Variants in PIWIL4 observed in about 807,000 individuals in gnomAD.
The protein encoded by PIWIL4 is piwi like RNA-mediated gene silencing 4.
Under a neutral mutation model 100.9 loss-of-function variants are expected in PIWIL4, and 50 were observed. The ratio of observed to expected loss-of-function variants is 0.50; its 90% CI spans 0.39 to 0.63. PIWIL4 has a LOEUF of 0.63. Ranked by LOEUF, PIWIL4 falls within the 20% of genes least tolerant of loss-of-function variation. PIWIL4 has a pLI of 0.00. For synonymous variants in PIWIL4, 342 were observed against 367.5 expected (o/e 0.93, Z 0.79); for missense variants, 887 against 1,043.3 (o/e 0.85, Z 2.06).
intron 4 of PIWIL4, among the ~76,000 whole-genome samples, chr11:94,582,216 A>C (rs924854857): frequency 6.6e-6 from 1 of 152,042 alleles, no homozygotes. Context: ...ATCCCAAAGG[A>C]TTAAGACATC....
Position 94,577,508 on chromosome 11 carries a change from T to C in PIWIL4, c.513+16T>C, listed in dbSNP as rs576942566. On this transcript the variant is annotated intron_variant, in intron 4 of 19. Coordinates refer to ENST00000299001, the MANE Select transcript of PIWIL4 (RefSeq NM_152431.3). ...AGAAGAAAAGGTATAGTATGATTAG[T>C]TTTTTTACTGTATATGTGGGTGTGT... 1.3e-6 allele frequency: 2 copies of C among 1,591,176 alleles called. No homozygotes were observed. Among genetic ancestry groups the C allele is most frequent in the South Asian group, 2.2e-5 (2 of 89,606 alleles).
rs190176007 is a variant in PIWIL4, at chr11:94,580,075, A to G, written c.513+2583A>G. On this transcript the variant is annotated intron_variant, in intron 4 of 19. Transcript: ENST00000299001. ...AATGAGCATGTAGTATGTGTCAAAC[A>G]CCTTTCTGTTGCTGGGAATGGAGCC... Among the ~76,000 whole-genome samples, 7 of 152,336 alleles carry G rather than the reference A, an allele frequency of 4.6e-5. No homozygotes were observed. In the East Asian group the frequency reaches 1.3e-3, roughly 29 times the overall value.
At chr11:94,620,844 CTTAA>C (rs1948897531) in intron 19 of PIWIL4, 28 bp from the exon 20 acceptor site, 1 of 1,509,332 alleles carries the variant, frequency 6.6e-7, no homozygotes, top group Non-Finnish European at 9.2e-7. Flanking sequence ...AAGGTAATCT[CTTAA>C]TTATTATCAA....
chr11:94,570,389 A>G (rs1000111310), intron 2 of PIWIL4, among the ~76,000 whole-genome samples: 1 of 151,806 alleles, frequency 6.6e-6, no homozygotes, highest in Middle Eastern at 3.4e-3. Flanking sequence ...TGTTCACATG[A>G]TCTTTCCTTT....
intron 17 of PIWIL4, among the ~76,000 whole-genome samples, chr11:94,618,310 A>G (rs1047543783): frequency 2.0e-5 from 3 of 152,210 alleles, no homozygotes; most frequent in Non-Finnish European, 4.4e-5. Flanking sequence ...CTTGGGTGGT[A>G]TAAGCTTTGG....
rs1204615326 is a variant in PIWIL4 at position 94,589,026 on chromosome 11, G to T, written c.915-95G>T. The T allele has an allele frequency of 4.0e-6, 3 of 752,666 alleles. No homozygotes were observed. The African/African-American group carries it at 5.3e-5, about 13-fold the overall frequency. 46.6% of individuals were successfully genotyped at this position (752,666 alleles called of 1,614,324 possible). On this transcript the variant is annotated intron_variant, in intron 7 of 19. Coordinates refer to ENST00000299001, the MANE Select transcript of PIWIL4 (RefSeq NM_152431.3). ...TTGTTTTCATAATTTCTGACATTCT[G>T]GAGTCTATCTTATGTGTTGAATTAA... is the stretch of plus-strand genomic sequence containing the variant.
chr11:94,567,868 C>A (rs896479126), intron 1 of PIWIL4: 1 of 1,031,382 alleles, frequency 9.7e-7, no homozygotes, highest in African/African-American at 1.7e-5. Context: ...CTTCTACTTT[C>A]TGAGTTTTAA....
intron 15 of PIWIL4, among the ~76,000 whole-genome samples, chr11:94,613,185 ACTT>A (rs1475138165): frequency 6.6e-6 from 1 of 152,086 alleles, no homozygotes; most frequent in African/African-American, 2.4e-5. Context: ...TTGTTTGAAA[ACTT>A]CTTTATCTCT....
intron 3 of PIWIL4, 94 bp downstream of exon 3, chr11:94,575,224 T>C (rs1371588656): frequency 7.8e-7 from 1 of 1,287,590 alleles, no homozygotes; most frequent in Non-Finnish European, 1.1e-6. Context: ...GTTCATATGT[T>C]TGCTTAACAG....
At chr11:94,603,295 T>C (rs962933198) in intron 12 of PIWIL4, among the ~76,000 whole-genome samples, 1 of 152,184 alleles carries the variant, frequency 6.6e-6, no homozygotes, top group Non-Finnish European at 1.5e-5. Context: ...AAAAAGCCGC[T>C]GGGCATTGGG....
intron 16 of PIWIL4, 105 bp from the exon 17 acceptor site, chr11:94,617,849 T>C (rs1948862759): frequency 5.8e-6 from 7 of 1,214,634 alleles, no homozygotes. Context: ...TATTTTACAG[T>C]GGTCTGAAAT....
At chr11:94,583,671 A>T (rs1252194927) in intron 5 of PIWIL4, 102 bp downstream of exon 5, 57 of 1,490,474 alleles carry the variant, frequency 3.8e-5, no homozygotes, top group Non-Finnish European at 5.0e-5. Context: ...GTGTGCCAGC[A>T]GTGATGCCAC....
At chr11:94,608,759 A>G (rs1948754965) in intron 15 of PIWIL4, 73 bp downstream of exon 15, 1 of 1,261,122 alleles carries the variant, frequency 7.9e-7, no homozygotes, top group Non-Finnish European at 1.2e-6. Flanking sequence ...AAAGAATGTA[A>G]CAGCAAGGAA....
At chr11:94,582,456 A>G (rs901190872) in intron 4 of PIWIL4, among the ~76,000 whole-genome samples, 1 of 152,312 alleles carries the variant, frequency 6.6e-6, no homozygotes, top group East Asian at 1.9e-4. Flanking sequence ...CCTGCCTTAC[A>G]TTCTTGATGC....
At chr11:94,572,963 G>T (rs971759288) in intron 2 of PIWIL4, among the ~76,000 whole-genome samples, 1 of 152,016 alleles carries the variant, frequency 6.6e-6, no homozygotes, top group South Asian at 2.1e-4. Flanking sequence ...CTTTTATTTC[G>T]TTGAGCAGTG....
Position 94,620,861 on chromosome 11 carries a change from C to A in PIWIL4, c.2443-15C>A. ...GGTAATCTCTTAATTATTATCAATA[C>A]TTTTTTCTCCTCAGGGCATAGTCAG... On this transcript the variant is annotated splice_polypyrimidine_tract_variant and intron_variant, in intron 19 of 19. Coordinates refer to ENST00000299001, the MANE Select transcript of PIWIL4 (RefSeq NM_152431.3). The A allele has an allele frequency of 6.3e-7, 1 of 1,585,568 alleles. No homozygotes were observed. The highest frequency in any genetic ancestry group is 1.1e-5 in the South Asian group (1 of 89,798).
intron 5 of PIWIL4, among the ~76,000 whole-genome samples, chr11:94,584,725 T>C (rs1948374941): frequency 6.6e-6 from 1 of 152,098 alleles, no homozygotes; most frequent in Non-Finnish European, 1.5e-5. Flanking sequence ...GAAGACACAG[T>C]CTTGGTCATT....
intron 7 of PIWIL4, among the ~76,000 whole-genome samples, chr11:94,588,407 C>T (rs1185903639): frequency 1.4e-4 from 21 of 152,212 alleles, no homozygotes; most frequent in Admixed American, 1.4e-3. Flanking sequence ...AGGGGTGGGA[C>T]TGGCTGGATT....
Position 94,601,890 on chromosome 11 carries a change from C to T in PIWIL4, c.1476C>T (p.Ser492=), listed in dbSNP as rs775511179. 24 of 1,613,874 alleles carry T rather than the reference C, an allele frequency of 1.5e-5. No individual in the cohort carries two copies. Among genetic ancestry groups the T allele is most frequent in the African/African-American group, 5.3e-5 (4 of 74,876 alleles). Residue 492 remains serine, a synonymous_variant, in exon 12 of 20, where the codon AGC becomes AGT. Coordinates refer to ENST00000299001, the MANE Select transcript of PIWIL4 (RefSeq NM_152431.3). ...QSLNTWLILC[S]DRTEYVAESF... is the part of the protein sequence containing the mutation. ...TGAATACCTGGTTGATTTTATGTAG[C>T]GACAGAACTGAATATGTTGCCGAGA...
Sources: allele counts gnomAD v4.1 joint callset (sites outside exome capture counted in the v4.1 genomes callset), GRCh38; gene constraint gnomAD v4.1.1; transcripts MANE v1.5; gene names NCBI Gene and HGNC (gene_info 2026-07-23, HGNC 2026-07-21).